The following ROBO1 variants were observed in gnomAD, a reference collection of about 807,000 sequenced individuals.
The protein encoded by ROBO1 is roundabout homolog 1.
ROBO1 carries 149 observed loss-of-function variants against 195.9 expected under a neutral mutation model. The observed-to-expected ratio is 0.76, with a 90% CI of 0.67 to 0.87. The LOEUF is 0.87. Among genes scored for constraint, ROBO1 ranks in the 40% least tolerant of loss-of-function variants. ROBO1 has a pLI of 0.00. For missense variants in ROBO1, 1,933 were observed against 2,068.3 expected, an observed-to-expected ratio of 0.93 and a Z score of 1.27; for synonymous variants, 816 against 733.2, an observed-to-expected ratio of 1.11 and a Z score of -1.82.
intron 4 of ROBO1, among the ~76,000 whole-genome samples, chr3:78,898,380 G>GTTTTTTTTTTTTTTTTTTTTTTT (rs773377988): frequency 9.9e-6 from 1 of 100,998 alleles, no homozygotes; most frequent in Non-Finnish European, 1.8e-5. Context: ...GATAGATAGG[G>GTTTTTTTTTTTTTTTTTTTTTTT]TTTTTTTTTT....
intron 4 of ROBO1, among the ~76,000 whole-genome samples, chr3:78,784,054 A>G (rs2083759975): frequency 6.6e-6 from 1 of 152,162 alleles, no homozygotes; most frequent in South Asian, 2.1e-4. Context: ...ACGCAGAAAA[A>G]AAAGACATTT....
intron 2 of ROBO1, among the ~76,000 whole-genome samples, chr3:79,379,107 C>T (rs2036483071): frequency 7.7e-6 from 1 of 130,398 alleles, no homozygotes; most frequent in African/African-American, 2.5e-5. Context: ...GAACATTACA[C>T]ATGTACACTA....
In ROBO1 at chr3:78,694,123, A is replaced by G. The variant is rs182903868; in HGVS notation, c.1046-5351T>C. ...AATCTTATCTATAAATCATAATTAC[A>G]TTTTCTGTTTTCAATGTTGAAACAT... On this transcript the variant is annotated intron_variant, in intron 8 of 30. Transcript: ENST00000464233. Among the ~76,000 whole-genome samples, 3 of 152,306 alleles carry G rather than the reference A, an allele frequency of 2.0e-5. No individual in the cohort carries two copies. In the East Asian group the frequency reaches 5.8e-4, roughly 29 times the overall value.
chr3:79,330,174 C>A (rs1026162141), intron 2 of ROBO1, among the ~76,000 whole-genome samples: 1 of 150,614 alleles, frequency 6.6e-6, no homozygotes, highest in Non-Finnish European at 1.5e-5. Flanking sequence ...GCAGTGGAGG[C>A]GGGGAGGTTT....
chr3:78,835,237 A>T (rs987156429), intron 4 of ROBO1, among the ~76,000 whole-genome samples: 1 of 152,194 alleles, frequency 6.6e-6, no homozygotes, highest in South Asian at 2.1e-4. Context: ...TATGTATTTA[A>T]TAATATTCTC....
intron 4 of ROBO1, among the ~76,000 whole-genome samples, chr3:78,901,199 T>C (rs1050008554): frequency 6.6e-6 from 1 of 152,162 alleles, no homozygotes; most frequent in African/African-American, 2.4e-5. Context: ...TAGGGAAATA[T>C]CACATTCATG....
chr3:79,623,091 C>T (rs936018315), intron 1 of ROBO1, among the ~76,000 whole-genome samples: 11 of 152,018 alleles, frequency 7.2e-5, no homozygotes, highest in Non-Finnish European at 7.4e-5. Context: ...AGGGACCTGA[C>T]CATTGAAAGA....
chr3:79,273,635 A>C (rs2030769808), intron 2 of ROBO1, among the ~76,000 whole-genome samples: 1 of 151,986 alleles, frequency 6.6e-6, no homozygotes, highest in Non-Finnish European at 1.5e-5. Context: ...AATACAAATA[A>C]CAAAATGGCA....
chr3:78,848,294 T>C (rs557913133), intron 4 of ROBO1, among the ~76,000 whole-genome samples: 33 of 152,310 alleles, frequency 2.2e-4, no homozygotes, highest in African/African-American at 7.5e-4. Flanking sequence ...GCAACAGTAA[T>C]TGCATTACTT....
intron 4 of ROBO1, among the ~76,000 whole-genome samples, chr3:78,831,645 G>A (rs952615196): frequency 2.0e-5 from 3 of 152,144 alleles, no homozygotes; most frequent in African/African-American, 7.2e-5. Flanking sequence ...AAAGTGTGTG[G>A]TATTGTATTT....
intron 18 of ROBO1, among the ~76,000 whole-genome samples, chr3:78,652,724 G>T (rs937187432): frequency 6.6e-5 from 10 of 152,012 alleles, no homozygotes; most frequent in Admixed American, 6.6e-4. Flanking sequence ...AGTCAAAAGG[G>T]CTCATGTTTT....
chr3:78,854,332 TTAC>T (rs1479746947), intron 4 of ROBO1, among the ~76,000 whole-genome samples: 1 of 148,154 alleles, frequency 6.7e-6, no homozygotes, highest in Non-Finnish European at 1.5e-5. Flanking sequence ...TATATATTTA[TTAC>T]TATTATATAT....
At chr3:78,668,650 C>T in intron 11 of ROBO1, 85 bp from the exon 12 acceptor site, 1 of 1,150,808 alleles carries the variant, frequency 8.7e-7, no homozygotes, top group South Asian at 1.4e-5. Context: ...GTATATGATC[C>T]ATGAATATGG....
In ROBO1 at chr3:79,739,107, C is replaced by T. The variant is rs117518429; in HGVS notation, c.-51+28645G>A. ...ATGCATATAGGTTTATGTTTGTTAG[C>T]AGGATGTAATACTGTCTGGTTTATT... is the stretch of plus-strand genomic sequence containing the variant. On this transcript the variant is annotated intron_variant, in intron 1 of 30. Coordinates refer to ENST00000464233, the MANE Select transcript of ROBO1 (RefSeq NM_002941.4). 1.2e-3 allele frequency among the ~76,000 whole-genome samples: 186 copies of T among 152,196 alleles called. 5 individuals are homozygous for T. In the East Asian group the frequency reaches 0.03, roughly 24 times the overall value.
intron 10 of ROBO1, among the ~76,000 whole-genome samples, chr3:78,677,646 C>A (rs1322726324): frequency 6.6e-6 from 1 of 151,664 alleles, no homozygotes; most frequent in Non-Finnish European, 1.5e-5. Flanking sequence ...TATATGCACC[C>A]AATACAGGAG....
At chr3:79,281,582 A>T (rs929711335) in intron 2 of ROBO1, among the ~76,000 whole-genome samples, 1 of 152,208 alleles carries the variant, frequency 6.6e-6, no homozygotes, top group Non-Finnish European at 1.5e-5. Flanking sequence ...ATTAGTTTAC[A>T]TTTACTGTAA....
chr3:79,703,914 T>C (rs1391730278), intron 1 of ROBO1, among the ~76,000 whole-genome samples: 2 of 151,950 alleles, frequency 1.3e-5, no homozygotes, highest in African/African-American at 4.8e-5. Context: ...TGAAGAAAAA[T>C]GAATAGATGG....
chr3:79,581,049 T>C (rs1434734129), intron 2 of ROBO1, among the ~76,000 whole-genome samples: 1 of 152,158 alleles, frequency 6.6e-6, no homozygotes, highest in East Asian at 1.9e-4. Context: ...GCAGAATAAA[T>C]GAAAGCTCAC....
chr3:79,113,594 CCTGTCTCTA>C (rs1251108757), intron 3 of ROBO1, among the ~76,000 whole-genome samples: 1 of 151,900 alleles, frequency 6.6e-6, no homozygotes, highest in African/African-American at 2.4e-5. Context: ...ATGGAGAAAC[CCTGTCTCTA>C]CTAAAAATAC....
Sources: allele counts gnomAD v4.1 joint callset (sites outside exome capture counted in the v4.1 genomes callset), GRCh38; gene constraint gnomAD v4.1.1; transcripts MANE v1.5; gene names NCBI Gene and HGNC (gene_info 2026-07-23, HGNC 2026-07-21).